CFDP1: variants seen among roughly 807,000 people sequenced by gnomAD.
CFDP1 encodes heterochromatin-stabilizing protein CFDP1.
CFDP1 carries 31 observed loss-of-function variants against 40.1 expected under a neutral mutation model. That is an observed-to-expected ratio of 0.77 (90% CI 0.58 to 1.04). The LOEUF is 1.04. Ranked by LOEUF, CFDP1 falls within the 50% of genes least tolerant of loss-of-function variation. The pLI is 0.00. For synonymous variants in CFDP1, 167 were observed against 120.0 expected (o/e 1.39, Z -2.56); for missense variants, 423 against 343.4 (o/e 1.23, Z -1.83).
chr16:75,305,611 G>A (rs1241976806), intron 5 of CFDP1, among the ~76,000 whole-genome samples: 2 of 152,146 alleles, frequency 1.3e-5, no homozygotes, highest in Non-Finnish European at 2.9e-5. Context: ...CTTACTCACA[G>A]GCTGTGGTGT....
At chr16:75,359,218 AGTTT>A (rs2078665858) in intron 5 of CFDP1, among the ~76,000 whole-genome samples, 1 of 152,322 alleles carries the variant, frequency 6.6e-6, no homozygotes, top group African/African-American at 2.4e-5. Context: ...AAAATATACT[AGTTT>A]ATTTTAATTT....
At chr16:75,428,321 A>T (rs2079365546) in intron 1 of CFDP1, among the ~76,000 whole-genome samples, 1 of 152,168 alleles carries the variant, frequency 6.6e-6, no homozygotes, top group East Asian at 1.9e-4. Flanking sequence ...ATGCTATAAA[A>T]ATATTCAAAG....
chr16:75,310,330 C>T (rs1032806730), intron 5 of CFDP1, among the ~76,000 whole-genome samples: 11 of 152,178 alleles, frequency 7.2e-5, no homozygotes, highest in South Asian at 2.1e-4. Context: ...ATCCATCAAT[C>T]AGCAATTATC....
At chr16:75,360,429 C>T (rs1292596409) in intron 5 of CFDP1, among the ~76,000 whole-genome samples, 4 of 152,284 alleles carry the variant, frequency 2.6e-5, no homozygotes, top group African/African-American at 9.6e-5. Flanking sequence ...AAGAAAATAA[C>T]TATGGTTAAC....
Position 75,433,329 on chromosome 16 carries a change from G to A in CFDP1, c.24C>T (p.Asp8=), listed in dbSNP as rs545172991. MEEFDSE[D]FSTSEEDEDY... is the part of the protein sequence containing the mutation. The stretch of plus-strand genomic sequence containing the variant: ...CCTCGTCCTCCTCCGACGTAGAGAA[G>A]TCTTCGGAGTCGAATTCCTCCATGT... The change falls in exon 1 of 7, where the codon GAC becomes GAT. Residue 8 remains aspartate (D), a synonymous_variant. Transcript: ENST00000283882. 2 of 1,599,956 alleles carry A rather than the reference G, an allele frequency of 1.3e-6. No homozygotes were observed. Among genetic ancestry groups the A allele is most frequent in the South Asian group, 1.1e-5 (1 of 89,194 alleles).
At chr16:75,345,372 G>A (rs1172426250) in intron 5 of CFDP1, among the ~76,000 whole-genome samples, 1 of 152,052 alleles carries the variant, frequency 6.6e-6, no homozygotes, top group East Asian at 1.9e-4. Flanking sequence ...CATGAGAATC[G>A]CTTGAATGTG....
Position 75,427,551 on chromosome 16 carries a change from C to T in CFDP1, c.64+5738G>A, listed in dbSNP as rs190604355. On this transcript the variant is annotated intron_variant, in intron 1 of 6. Coordinates refer to ENST00000283882, the MANE Select transcript of CFDP1 (RefSeq NM_006324.3). ...CAGGCATGAGCCACCGCGCTCGGCCCCAAATTAGCTAATATTTAAAACAAA... is the reference window on the plus strand; with the variant it reads ...CAGGCATGAGCCACCGCGCTCGGCCTCAAATTAGCTAATATTTAAAACAAA... 1.9e-3 allele frequency among the ~76,000 whole-genome samples: 282 copies of T among 152,114 alleles called. 2 individuals are homozygous for T. Among genetic ancestry groups the T allele is most frequent in the Admixed American group, 3.3e-3 (50 of 15,242 alleles).
chr16:75,407,366 T>C (rs982706838), intron 4 of CFDP1, among the ~76,000 whole-genome samples: 2 of 152,168 alleles, frequency 1.3e-5, no homozygotes, highest in Admixed American at 6.5e-5. Context: ...TTTTGAATTG[T>C]ATTTTCTATT....
intron 5 of CFDP1, among the ~76,000 whole-genome samples, chr16:75,318,078 G>A (rs1281099452): frequency 1.3e-5 from 2 of 151,910 alleles, no homozygotes; most frequent in East Asian, 1.9e-4. Context: ...CCGAGATCGC[G>A]CCACTGCACT....
At chr16:75,328,386 ACCAG>A (rs1357639045) in intron 5 of CFDP1, among the ~76,000 whole-genome samples, 1 of 147,194 alleles carries the variant, frequency 6.8e-6, no homozygotes, top group Non-Finnish European at 1.5e-5. Flanking sequence ...GGAGTTCGAG[ACCAG>A]CCTGGCCAAC....
intron 4 of CFDP1, among the ~76,000 whole-genome samples, chr16:75,400,056 G>A (rs902049634): frequency 3.4e-4 from 50 of 146,158 alleles, no homozygotes; most frequent in South Asian, 6.5e-4. Flanking sequence ...AGCCGAGATC[G>A]TGCCATTGCA....
chr16:75,299,310 G>A (rs574560883), intron 6 of CFDP1, among the ~76,000 whole-genome samples: 1 of 152,116 alleles, frequency 6.6e-6, no homozygotes, highest in Admixed American at 6.6e-5. Context: ...CTACTTGGCC[G>A]GGTGCAGTGG....
At chr16:75,389,383 G>A (rs1421910200) in intron 5 of CFDP1, among the ~76,000 whole-genome samples, 1 of 152,230 alleles carries the variant, frequency 6.6e-6, no homozygotes, top group East Asian at 1.9e-4. Flanking sequence ...TCTAATTAAA[G>A]TAGGGCTTAT....
At chr16:75,326,940 C>G (rs904136677) in intron 5 of CFDP1, among the ~76,000 whole-genome samples, 2 of 152,150 alleles carry the variant, frequency 1.3e-5, no homozygotes, top group African/African-American at 2.4e-5. Flanking sequence ...TCCCATAAAC[C>G]TTTTCCTGAG....
At chr16:75,426,075 G>C (rs1163063785) in intron 1 of CFDP1, among the ~76,000 whole-genome samples, 1 of 137,950 alleles carries the variant, frequency 7.2e-6, no homozygotes. Context: ...TAAAGGCCAG[G>C]CACTGTGGCT....
intron 6 of CFDP1, among the ~76,000 whole-genome samples, chr16:75,297,168 G>GTGTGTGTGTGTGTGTGTGTC (rs2078189170): frequency 1.1e-5 from 1 of 94,990 alleles, no homozygotes. Context: ...GTGTGTGTCT[G>GTGTGTGTGTGTGTGTGTGTC]TGTGTGTGTG....
chr16:75,344,174 T>C (rs2078546147), intron 5 of CFDP1, among the ~76,000 whole-genome samples: 1 of 152,232 alleles, frequency 6.6e-6, no homozygotes, highest in Non-Finnish European at 1.5e-5. Context: ...GCATAAATTC[T>C]GAAGCTGATG....
intron 5 of CFDP1, among the ~76,000 whole-genome samples, chr16:75,349,629 C>A (rs555784208): frequency 2.5e-5 from 3 of 120,152 alleles, no homozygotes; most frequent in African/African-American, 9.6e-5. Context: ...CCAGCCTGGG[C>A]GACAGAGCGA....
At chr16:75,338,248 A>T (rs1312203118) in intron 5 of CFDP1, among the ~76,000 whole-genome samples, 1 of 152,188 alleles carries the variant, frequency 6.6e-6, no homozygotes. Context: ...TGGGGGGGAA[A>T]AAGAGCCTCT....
Sources: gnomAD v4.1 joint callset for allele counts (sites outside exome capture counted in the v4.1 genomes callset) on GRCh38, gnomAD v4.1.1 for gene constraint, MANE v1.5 for transcripts, NCBI Gene and HGNC (gene_info 2026-07-23, HGNC 2026-07-21) for gene names.